LHX8: variants seen among roughly 807,000 people sequenced by gnomAD.
LHX8 encodes LIM homeobox 8.
In LHX8, 12 loss-of-function variants were observed where a neutral mutation model predicts 40.3. The ratio of observed to expected loss-of-function variants is 0.30; its 90% CI spans 0.19 to 0.48. The LOEUF is 0.48. Among genes scored for constraint, LHX8 ranks in the 20% least tolerant of loss-of-function variants. LHX8 has a pLI of 0.99. For missense variants in LHX8, 344 were observed against 433.7 expected, an observed-to-expected ratio of 0.79 and a Z score of 1.84; for synonymous variants, 179 against 162.0, an observed-to-expected ratio of 1.10 and a Z score of -0.80.
At chr1:75,136,043 T>G (rs564247064) in intron 1 of LHX8, among the ~76,000 whole-genome samples, 1 of 152,334 alleles carries the variant, frequency 6.6e-6, no homozygotes, top group Non-Finnish European at 1.5e-5. Context: ...TAATTAGCTT[T>G]CAAGTATCCT....
At chr1:75,141,334 T>G (rs1648304740) in intron 4 of LHX8, among the ~76,000 whole-genome samples, 1 of 152,142 alleles carries the variant, frequency 6.6e-6, no homozygotes, top group African/African-American at 2.4e-5. Flanking sequence ...AATAATACTT[T>G]CACTTTGGGG....
At chr1:75,165,593 A>C (rs564275087), downstream of LHX8, among the ~76,000 whole-genome samples, 1 of 152,244 alleles carries the variant, frequency 6.6e-6, no homozygotes, top group Non-Finnish European at 1.5e-5. Context: ...GAGGAAAAAA[A>C]GATGTTAAGA....
chr1:75,187,569 G>T, the LHX8 span, among the ~76,000 whole-genome samples: 1 of 152,078 alleles, frequency 6.6e-6, no homozygotes, highest in Non-Finnish European at 1.5e-5. Flanking sequence ...GGCTCTGGTG[G>T]GTTCATTTGG....
the LHX8 span, among the ~76,000 whole-genome samples, chr1:75,191,171 C>T: frequency 6.6e-6 from 1 of 152,084 alleles, no homozygotes; most frequent in African/African-American, 2.4e-5. Flanking sequence ...ACACTTGGTA[C>T]ATTTTAAGCA....
the LHX8 span, among the ~76,000 whole-genome samples, chr1:75,183,843 G>C: frequency 6.6e-6 from 1 of 152,150 alleles, no homozygotes; most frequent in African/African-American, 2.4e-5. Flanking sequence ...AAGGTAGATA[G>C]AAAACCAAGA....
chr1:75,198,184 G>A, the LHX8 span, among the ~76,000 whole-genome samples: 1 of 152,136 alleles, frequency 6.6e-6, no homozygotes, highest in South Asian at 2.1e-4. Flanking sequence ...TATGGGATTT[G>A]GACTGAAGCT....
chr1:75,168,161 C>T, the LHX8 span, among the ~76,000 whole-genome samples: 1 of 152,192 alleles, frequency 6.6e-6, no homozygotes, highest in African/African-American at 2.4e-5. Context: ...ATCAGCACAC[C>T]TTGCTTCATT....
chr1:75,149,952 A>G (rs1367327219), intron 7 of LHX8, among the ~76,000 whole-genome samples: 1 of 152,182 alleles, frequency 6.6e-6, no homozygotes, highest in African/African-American at 2.4e-5. Flanking sequence ...TCAAAGAGTA[A>G]ATGACTCTGC....
chr1:75,156,988 G>A lies in LHX8; in HGVS notation c.876G>A (p.Leu292=), dbSNP rs779212227. 1.9e-6 allele frequency: 3 copies of A among 1,614,128 alleles called. No homozygotes were observed. Among genetic ancestry groups the A allele is most frequent in the Non-Finnish European group, 1.7e-6 (2 of 1,180,006 alleles). The change falls in exon 8 of 9, where the codon CTG becomes CTA. Residue 292 remains leucine (L), a synonymous_variant. Coordinates refer to ENST00000356261, the MANE Select transcript of LHX8 (RefSeq NM_001256114.2). ...TCACAGCAGTCCCACCCTCCAGGCT[G>A]TCTCCACCCATGTTAGAAGAAATGG... is the stretch of plus-strand genomic sequence containing the variant. The part of the protein sequence containing the change: ...TPVTAVPPSR[L]SPPMLEEMAY...
chr1:75,162,500 G>A (rs1285485723), downstream of LHX8, among the ~76,000 whole-genome samples: 1 of 152,120 alleles, frequency 6.6e-6, no homozygotes, highest in African/African-American at 2.4e-5. Flanking sequence ...AGCTTGGGAG[G>A]TGGCTGATTG....
At chr1:75,136,785 C>G (rs1648152582) in intron 2 of LHX8, 96 bp downstream of exon 2, 1 of 697,982 alleles carries the variant, frequency 1.4e-6, no homozygotes, top group African/African-American at 1.9e-5. Context: ...CAGGGCCCAG[C>G]TGGCCCCTCC....
chr1:75,176,816 G>T, the LHX8 span, among the ~76,000 whole-genome samples: 3 of 152,038 alleles, frequency 2.0e-5, no homozygotes, highest in Non-Finnish European at 2.9e-5. Context: ...GGTCTAAAAT[G>T]TAAGTCTTTA....
the LHX8 span, among the ~76,000 whole-genome samples, chr1:75,182,745 G>C: frequency 6.6e-6 from 1 of 152,192 alleles, no homozygotes; most frequent in East Asian, 1.9e-4. Flanking sequence ...TTGAAGTCCA[G>C]TAATGTTATG....
At chr1:75,194,008 T>C in the LHX8 span, among the ~76,000 whole-genome samples, 1,334 of 152,336 alleles carry the variant, frequency 8.8e-3, 8 homozygotes, top group Non-Finnish European at 0.014. Context: ...CAAGGGCTGC[T>C]TAAGGGGTTG....
intron 4 of LHX8, among the ~76,000 whole-genome samples, chr1:75,141,377 C>CT (rs1648307174): frequency 6.6e-6 from 1 of 151,974 alleles, no homozygotes; most frequent in South Asian, 2.1e-4. Flanking sequence ...AACAGGGAAT[C>CT]TTTTTTGCTG....
intron 8 of LHX8, among the ~76,000 whole-genome samples, chr1:75,157,686 A>AT (rs1204989937): frequency 6.6e-6 from 1 of 152,182 alleles, no homozygotes; most frequent in African/African-American, 2.4e-5. Context: ...CACAGAATGT[A>AT]TTTTGTGTCT....
the LHX8 span, among the ~76,000 whole-genome samples, chr1:75,167,085 G>A: frequency 6.6e-6 from 1 of 152,298 alleles, no homozygotes; most frequent in Non-Finnish European, 1.5e-5. Context: ...TGAAGCATTA[G>A]TTTATTCTGC....
At chr1:75,167,183 C>T in the LHX8 span, among the ~76,000 whole-genome samples, 7 of 152,202 alleles carry the variant, frequency 4.6e-5, no homozygotes, top group Non-Finnish European at 8.8e-5. Context: ...AAAACTTTCA[C>T]GTCATGCTGT....
At chr1:75,136,989 TG>T in intron 2 of LHX8, 110 bp from the exon 3 acceptor site, 1 of 607,692 alleles carries the variant, frequency 1.6e-6, no homozygotes, top group Non-Finnish European at 1.9e-6. Context: ...GGGGGTGGGG[TG>T]GGGTGGCCAG....
Sources: gnomAD v4.1 joint callset for allele counts (sites outside exome capture counted in the v4.1 genomes callset) on GRCh38, gnomAD v4.1.1 for gene constraint, MANE v1.5 for transcripts, NCBI Gene and HGNC (gene_info 2026-07-23, HGNC 2026-07-21) for gene names.